The following LRAT variants were observed in gnomAD, a reference collection of about 807,000 sequenced individuals.
LRAT encodes the protein lecithin retinol acyltransferase, also known as lecithin retinol acyltransferase (phosphatidylcholine--retinol O-acyltransferase).
Under a neutral mutation model 14.2 loss-of-function variants are expected in LRAT, and 11 were observed. The observed-to-expected ratio is 0.78, with a 90% confidence interval of 0.49 to 1.29. The LOEUF (loss-of-function observed/expected upper bound fraction) is 1.29, where lower values mean the gene tolerates loss of function less well. LRAT is among the 50% of genes most tolerant of loss of function. The probability of loss-of-function intolerance (pLI) is 0.00; values close to 1 mark genes in which losing one functional copy is unlikely to be tolerated. For missense variants in LRAT, 274 were observed against 292.4 expected (o/e 0.94, Z 0.46); for synonymous variants, 144 against 124.8 (o/e 1.15, Z -1.03).
intron 2 of LRAT, chr4:154,745,514 C>T (rs189295738): frequency 1.2e-3 from 182 of 153,372 alleles, no homozygotes; most frequent in Admixed American, 1.9e-3. Flanking sequence ...ATCAGGTGTC[C>T]ACCCACAGTG....
rs768255532 is a variant in LRAT, at chr4:154,744,366, G to T, written c.40G>T (p.Glu14Ter). Residue 14 changes from glutamate to a stop codon, truncating the protein, a stop_gained, in exon 2 of 3, where the codon GAG becomes TAG. Transcript: ENST00000336356. LOFTEE classifies it high-confidence loss of function. ...GCTGGAGGTGGTGTCTTTACTACTG[G>T]AGAAGCTGCTCCTCATCTCCAACTT... ...PMLEVVSLLL[E>*]KLLLISNFTL... 6 of 1,614,032 alleles carry T rather than the reference G, an allele frequency of 3.7e-6. No homozygotes were observed. Among genetic ancestry groups the T allele is most frequent in the Non-Finnish European group, 5.1e-6 (6 of 1,180,050 alleles).
rs193025358 is a variant in LRAT at position 154,748,752 on chromosome 4, A to G, written c.541-232A>G. On this transcript the variant is annotated intron_variant, in intron 2 of 2. Transcript: ENST00000336356. ...TTCTATAGTTTTCTATAAATGCTGT[A>G]TTTACATAGGCAACTGCCATTATTA... is the stretch of plus-strand genomic sequence containing the variant. 4.1e-3 allele frequency among the ~76,000 whole-genome samples: 626 copies of G among 152,210 alleles called. 3 individuals are homozygous for G. Among genetic ancestry groups the G allele is most frequent in the Non-Finnish European group, 5.4e-3 (370 of 67,984 alleles).
chr4:154,749,275 G>A lies in LRAT; in HGVS notation c.*139G>A, dbSNP rs1266707299. ...GGATAAAAATGTGATTAGGAATCACGCAAAGTGCTTACTGTGTAAGCCCAA... is the reference window on the plus strand; with the variant it reads ...GGATAAAAATGTGATTAGGAATCACACAAAGTGCTTACTGTGTAAGCCCAA... On this transcript the variant is annotated 3_prime_UTR_variant, in exon 3 of 3. Coordinates refer to ENST00000336356, the MANE Select transcript of LRAT (RefSeq NM_004744.5). The A allele has an allele frequency of 8.3e-6, 8 of 962,256 alleles. No individual in the cohort carries two copies. The highest frequency in any genetic ancestry group is 2.4e-5 in the East Asian group (1 of 41,084). 59.6% of individuals were successfully genotyped at this position (962,256 alleles called of 1,614,324 possible). A position where few individuals can be genotyped will look rare whatever the true frequency, so the allele number is the denominator to read the frequency against.
At position 154,749,234 on chromosome 4, in the gene LRAT, C is replaced by A. The variant is rs529360609; in HGVS notation, c.*98C>A. The A allele has an allele frequency of 7.3e-5, 95 of 1,292,946 alleles. No homozygotes were observed. Among genetic ancestry groups the A allele is most frequent in the Non-Finnish European group, 9.0e-5 (80 of 893,510 alleles). The allele number at this position is 1,292,946 out of a possible 1,614,324, so 80.1% of individuals were successfully genotyped here. A position where few individuals can be genotyped will look rare whatever the true frequency, so the allele number is the denominator to read the frequency against. On this transcript the variant is annotated 3_prime_UTR_variant, in exon 3 of 3. Transcript: ENST00000336356. ...AAGCATTATTGAGAAAAATGTGACC[C>A]GTAACACTGTGTTCTGGATAAAAAT...
rs907721701 is a variant in LRAT at position 154,752,201 on chromosome 4, C to G, written c.*3065C>G. 10 of 152,198 alleles carry G rather than the reference C, an allele frequency of 6.6e-5. No individual in the cohort carries two copies. Among genetic ancestry groups the G allele is most frequent in the African/African-American group, 1.7e-4 (7 of 41,442 alleles). The allele number at this position is 152,198 out of a possible 1,614,324, so 9.4% of individuals were successfully genotyped here. A position where few individuals can be genotyped will look rare whatever the true frequency, so the allele number is the denominator to read the frequency against. ...AATTTATACAAACCATGTACCAACA[C>G]TTGAAAGATGGGTGGATATTTTCCA... On this transcript the variant is annotated 3_prime_UTR_variant, in exon 3 of 3. Transcript: ENST00000336356.
chr4:154,740,848 G>C (rs1369895519), upstream of LRAT: 1 of 152,250 alleles, frequency 6.6e-6, no homozygotes, highest in African/African-American at 2.4e-5. Context: ...ACAGAATGTA[G>C]CCACCTTTCT....
chr4:154,747,986 A>T (rs1732916250), intron 2 of LRAT, among the ~76,000 whole-genome samples: 1 of 152,152 alleles, frequency 6.6e-6, no homozygotes, highest in South Asian at 2.1e-4. Flanking sequence ...GCTGCCCAGT[A>T]CCATGTAAGC....
chr4:154,743,761 T>C (rs901294740), upstream of LRAT, among the ~76,000 whole-genome samples: 1 of 151,882 alleles, frequency 6.6e-6, no homozygotes, highest in Non-Finnish European at 1.5e-5. Context: ...CCTCCCTAAA[T>C]AGGCCACTTA....
rs554213220 is a variant in LRAT, at chr4:154,744,190, C to G, written c.-34C>G. The stretch of plus-strand genomic sequence containing the variant: ...TTTGCCTTCCTCTCTCCTCAGCGGC[C>G]GTACTTTGCGCCGTACCTCACCTGG... On this transcript the variant is annotated 5_prime_UTR_variant, in exon 1 of 3. Coordinates refer to ENST00000336356, the MANE Select transcript of LRAT (RefSeq NM_004744.5). 1.4e-5 allele frequency: 12 copies of G among 885,692 alleles called. No individual in the cohort carries two copies. In the Admixed American group the frequency reaches 1.5e-4, roughly 11 times the overall value. The allele number at this position is 885,692 out of a possible 1,614,324, so 54.9% of individuals were successfully genotyped here.
Position 154,751,732 on chromosome 4 carries a change from TCAAAA to T in LRAT, c.*2597_*2601del, listed in dbSNP as rs1732997404. 1 of 12,760 alleles carries T rather than the reference TCAAAA, an allele frequency of 7.8e-5. No homozygotes were observed. Among genetic ancestry groups the T allele is most frequent in the Non-Finnish European group, 1.5e-4 (1 of 6,570 alleles). The allele number at this position is 12,760 out of a possible 1,614,324, so 0.8% of individuals were successfully genotyped here. ...CTGGGCAACAAAGTGAGACTCCATCTCAAAAAAAAAAAAAAAAAAAAAAAAAAAAA... is the reference window on the plus strand; with the variant it reads ...CTGGGCAACAAAGTGAGACTCCATCTAAAAAAAAAAAAAAAAAAAAAAAAA... On this transcript the variant is annotated 3_prime_UTR_variant, in exon 3 of 3. Coordinates refer to ENST00000336356, the MANE Select transcript of LRAT (RefSeq NM_004744.5).
rs1732956482 is a variant in LRAT, at chr4:154,749,905, T to C, written c.*769T>C. The C allele has an allele frequency of 1.3e-5, 2 of 152,166 alleles. No individual in the cohort carries two copies. The highest frequency in any genetic ancestry group is 4.1e-4 in the South Asian group (2 of 4,828). The allele number at this position is 152,166 out of a possible 1,614,324, so 9.4% of individuals were successfully genotyped here. A position where few individuals can be genotyped will look rare whatever the true frequency, so the allele number is the denominator to read the frequency against. The stretch of plus-strand genomic sequence containing the variant: ...GAGGTAAATGGATATAGGATTGAAG[T>C]TATGTGGGTATTTGGCATGTGTGTG... On this transcript the variant is annotated 3_prime_UTR_variant, in exon 3 of 3. Transcript: ENST00000336356.
rs994183410 is a variant in LRAT at position 154,749,418 on chromosome 4, A to T, written c.*282A>T. 1 of 420,126 alleles carries T rather than the reference A, an allele frequency of 2.4e-6. No individual in the cohort carries two copies. Among genetic ancestry groups the T allele is most frequent in the Non-Finnish European group, 4.4e-6 (1 of 227,224 alleles). 26.0% of individuals were successfully genotyped at this position (420,126 alleles called of 1,614,324 possible). On this transcript the variant is annotated 3_prime_UTR_variant, in exon 3 of 3. Coordinates refer to ENST00000336356, the MANE Select transcript of LRAT (RefSeq NM_004744.5). Reference sequence around the variant, plus strand: ...TATGAGAAAACCAGCCCCTAAAATGATAGCCACAAGAGATTAATTGTGTTT... The same window carrying T: ...TATGAGAAAACCAGCCCCTAAAATGTTAGCCACAAGAGATTAATTGTGTTT...
chr4:154,747,051 A>C (rs1342372281), intron 2 of LRAT, among the ~76,000 whole-genome samples: 3 of 152,188 alleles, frequency 2.0e-5, no homozygotes, highest in African/African-American at 2.4e-5. Flanking sequence ...GAAACATAAG[A>C]AATTATTTGA....
At chr4:154,742,686 C>T (rs2111029409), upstream of LRAT, among the ~76,000 whole-genome samples, 1 of 152,178 alleles carries the variant, frequency 6.6e-6, no homozygotes, top group African/African-American at 2.4e-5. Flanking sequence ...GGGGACATCG[C>T]GTGCCAAGCC....
intron 2 of LRAT, 116 bp from the exon 3 acceptor site, chr4:154,748,868 A>G: frequency 1.0e-6 from 1 of 966,812 alleles, no homozygotes; most frequent in South Asian, 1.4e-5. Flanking sequence ...CATAAGAAAA[A>G]GTCTAGTTCT....
chr4:154,748,492 T>C (rs142587555), intron 2 of LRAT: 2 of 642,730 alleles, frequency 3.1e-6, no homozygotes, highest in African/African-American at 3.9e-5. Flanking sequence ...ACAATAAAAT[T>C]AGACTTTCTA....
At chr4:154,747,444 G>C (rs1477933665) in intron 2 of LRAT, among the ~76,000 whole-genome samples, 1 of 151,764 alleles carries the variant, frequency 6.6e-6, no homozygotes, top group East Asian at 1.9e-4. Context: ...CTTTTAATTT[G>C]TGTGGATTGA....
chr4:154,741,783 T>C (rs192589132), upstream of LRAT, among the ~76,000 whole-genome samples: 1 of 152,328 alleles, frequency 6.6e-6, no homozygotes, highest in Admixed American at 6.5e-5. Flanking sequence ...AATGTATACA[T>C]ATGTATATAT....
At chr4:154,745,301 G>T in intron 2 of LRAT, 1 of 180,904 alleles carries the variant, frequency 5.5e-6, no homozygotes, top group Non-Finnish European at 1.2e-5. Flanking sequence ...GATTACAGGC[G>T]TGAGCCACCG....
Sources: allele counts gnomAD v4.1 joint callset (sites outside exome capture counted in the v4.1 genomes callset), GRCh38; gene constraint gnomAD v4.1.1; transcripts MANE v1.5; gene names NCBI Gene and HGNC (gene_info 2026-07-23, HGNC 2026-07-21).